The following CLUH variants were observed in gnomAD, a reference collection of about 807,000 sequenced individuals.
CLUH encodes clustered mitochondria protein homolog.
In CLUH, 77 loss-of-function variants were observed where a neutral mutation model predicts 139.3. That is an observed-to-expected ratio of 0.55 (90% CI 0.46 to 0.67). The LOEUF (loss-of-function observed/expected upper bound fraction) is 0.67, where lower values mean the gene tolerates loss of function less well. CLUH is among the 30% of genes least tolerant of loss of function. CLUH has a pLI of 0.00. For missense variants in CLUH, 1,876 were observed against 1,875.8 expected, an observed-to-expected ratio of 1.00 and a Z score of 0.00; for synonymous variants, 999 against 801.6, an observed-to-expected ratio of 1.25 and a Z score of -4.16.
At chr17:2,701,300 A>G in intron 6 of CLUH, 35 bp from the exon 7 acceptor site, 8 of 1,607,866 alleles carry the variant, frequency 5.0e-6, no homozygotes, top group Non-Finnish European at 5.9e-6. Context: ...GCGGGGGCCC[A>G]GGTGTCTGCC....
At chr17:2,699,990 A>G (rs977921818) in intron 9 of CLUH, among the ~76,000 whole-genome samples, 1 of 152,232 alleles carries the variant, frequency 6.6e-6, no homozygotes, top group African/African-American at 2.4e-5. Flanking sequence ...CCCAGCACTA[A>G]TAACTTTTAA....
At chr17:2,699,356 C>T (rs1306112485) in intron 9 of CLUH, among the ~76,000 whole-genome samples, 3 of 152,172 alleles carry the variant, frequency 2.0e-5, no homozygotes, top group Non-Finnish European at 4.4e-5. Flanking sequence ...CAGGGTATCA[C>T]GCTGTTGCCA....
chr17:2,698,008 C>G lies in CLUH; in HGVS notation c.1849G>C (p.Val617Leu). 6.2e-7 allele frequency: 1 copy of G among 1,600,974 alleles called. No homozygotes were observed. Among genetic ancestry groups the G allele is most frequent in the Non-Finnish European group, 8.5e-7 (1 of 1,177,778 alleles). The change falls in exon 10 of 26, where the codon GTG becomes CTG. Residue 617 changes from valine (V) to leucine (L), a missense_variant. Physicochemically the swap from Val to Leu is conservative, Grantham distance 32. Coordinates refer to ENST00000651024, the MANE Select transcript of CLUH (RefSeq NM_001366661.1). ...TFPPDLNFLP[V>L]PGEELPEECA... ...TCCTCAGGCAGCTCCTCGCCAGGCA[C>G]GGGCAGGAAGTTGAGGTCCGGGGGG...
chr17:2,697,435 G>C (rs377214918), intron 10 of CLUH, among the ~76,000 whole-genome samples: 123 of 151,780 alleles, frequency 8.1e-4, no homozygotes, highest in African/African-American at 2.8e-3. Flanking sequence ...CGTTCTGGAG[G>C]GTATGGGAAA....
At chr17:2,692,320 G>C in intron 22 of CLUH, 41 bp downstream of exon 22, 1 of 1,499,814 alleles carries the variant, frequency 6.7e-7, no homozygotes, top group Non-Finnish European at 8.9e-7. Context: ...CTGCCCCGCA[G>C]GCCTCCGCCG....
At chr17:2,693,014 G>T (rs2069773798) in intron 19 of CLUH, 154 bp from the exon 20 acceptor site, 2 of 597,452 alleles carry the variant, frequency 3.3e-6, no homozygotes, top group Non-Finnish European at 5.4e-6. Context: ...AGGGGGATCA[G>T]CAGCAGCTGC....
chr17:2,694,814 C>T, intron 16 of CLUH, 43 bp downstream of exon 16: 4 of 1,465,424 alleles, frequency 2.7e-6, no homozygotes, highest in Non-Finnish European at 3.6e-6. Context: ...GCCGCCTCAT[C>T]TGCCCAATCC....
In CLUH at chr17:2,698,099, C is replaced by T. The variant is rs751203241; in HGVS notation, c.1758G>A (p.Ser586=). Residue 586 remains serine (S), a synonymous_variant, in exon 10 of 26, where the codon TCG becomes TCA. Coordinates refer to ENST00000651024, the MANE Select transcript of CLUH (RefSeq NM_001366661.1). ...TGCCAATGATGCCCTTGCACTCGAC[C>T]GAGGAGCAGAGCTCCACCTCCTCGT... ...DRDEEVELCS[S]VECKGIIGND... is the part of the protein sequence containing the mutation. The T allele has an allele frequency of 5.1e-5, 82 of 1,603,016 alleles. No individual in the cohort carries two copies. Among genetic ancestry groups the T allele is most frequent in the Admixed American group, 6.8e-5 (4 of 58,886 alleles).
chr17:2,700,299 T>C, intron 9 of CLUH, 83 bp downstream of exon 9: 6 of 1,354,858 alleles, frequency 4.4e-6, no homozygotes, highest in Non-Finnish European at 6.1e-6. Flanking sequence ...CCTGCCTCCC[T>C]TGCTTTCCTC....
chr17:2,698,670 G>T, intron 9 of CLUH, 80 bp from the exon 10 acceptor site: 3 of 1,307,630 alleles, frequency 2.3e-6, no homozygotes, highest in Non-Finnish European at 3.1e-6. Context: ...CACGCACCTA[G>T]ACCGCGGAGG....
chr17:2,704,763 C>T lies in CLUH; in HGVS notation c.101-199G>A, dbSNP rs1388801400. ...AGCCGCCCCTCCCAGCCACTGTTCC[C>T]TGGCCCACTGTGGTATGGCTTGCAC... is the stretch of plus-strand genomic sequence containing the variant. On this transcript the variant is annotated intron_variant, in intron 1 of 25. Coordinates refer to ENST00000651024, the MANE Select transcript of CLUH (RefSeq NM_001366661.1). This position sits in a 1 kb window ranked among gnomAD's most constrained non-coding sequence, Gnocchi z 5.7. 6.6e-6 allele frequency among the ~76,000 whole-genome samples: 1 copy of T among 152,136 alleles called. No individual in the cohort carries two copies. Among genetic ancestry groups the T allele is most frequent in the South Asian group, 2.1e-4 (1 of 4,830 alleles).
Position 2,707,742 on chromosome 17 carries a change from A to T in CLUH, c.101-3178T>A. 1 of 985,418 alleles carries T rather than the reference A, an allele frequency of 1.0e-6. No individual in the cohort carries two copies. Among genetic ancestry groups the T allele is most frequent in the Non-Finnish European group, 1.2e-6 (1 of 829,900 alleles). The allele number at this position is 985,418 out of a possible 1,614,324, so 61.0% of individuals were successfully genotyped here. A position where few individuals can be genotyped will look rare whatever the true frequency, so the allele number is the denominator to read the frequency against. On this transcript the variant is annotated intron_variant, in intron 1 of 25. Coordinates refer to ENST00000651024, the MANE Select transcript of CLUH (RefSeq NM_001366661.1). This position sits in a 1 kb window ranked among gnomAD's most constrained non-coding sequence, Gnocchi z 7.4. Reference sequence around the variant, plus strand: ...GGCACAGACCCGGGTCCAGGCCATAAGGTGGCTGCCTCTGCCCACCAGTCC... The same window carrying T: ...GGCACAGACCCGGGTCCAGGCCATATGGTGGCTGCCTCTGCCCACCAGTCC...
At chr17:2,699,838 G>T (rs1455367947) in intron 9 of CLUH, among the ~76,000 whole-genome samples, 1 of 151,880 alleles carries the variant, frequency 6.6e-6, no homozygotes, top group African/African-American at 2.4e-5. Flanking sequence ...CCCCATATTG[G>T]CCAGGCTGGT....
intron 3 of CLUH, among the ~76,000 whole-genome samples, chr17:2,702,358 C>T (rs1221267285): frequency 1.3e-5 from 2 of 152,176 alleles, no homozygotes; most frequent in East Asian, 1.9e-4. Context: ...TGCTTTTGTG[C>T]GCCAGTGTGT....
At chr17:2,702,093 G>A in intron 3 of CLUH, 36 bp from the exon 4 acceptor site, 1 of 1,604,538 alleles carries the variant, frequency 6.2e-7, no homozygotes, top group Non-Finnish European at 8.5e-7. Flanking sequence ...GCGTTACCAG[G>A]GCCCTGCACC....
At chr17:2,695,619 T>C in intron 13 of CLUH, 93 bp from the exon 14 acceptor site, 1 of 1,424,404 alleles carries the variant, frequency 7.0e-7, no homozygotes, top group Non-Finnish European at 9.3e-7. Flanking sequence ...TGGGAGGCCC[T>C]GGAGAAGGAC....
intron 1 of CLUH, among the ~76,000 whole-genome samples, chr17:2,708,867 G>A (rs572428998): frequency 5.7e-5 from 5 of 87,028 alleles, no homozygotes; most frequent in South Asian, 5.1e-4. Context: ...ACTCGGGGGG[G>A]GGGGAGCAGA....
At position 2,692,380 on chromosome 17, in the gene CLUH, C is replaced by T; in HGVS notation, c.3541G>A (p.Ala1181Thr). 1 of 1,589,402 alleles carries T rather than the reference C, an allele frequency of 6.3e-7. No individual in the cohort carries two copies. Among genetic ancestry groups the T allele is most frequent in the Non-Finnish European group, 8.5e-7 (1 of 1,175,362 alleles). ...CCTCACCTGAGGGCCACCTTGAGGG[C>T]CTTGGGCCCGTGGTACTTGGTGCTG... The part of the protein sequence containing the change: ...AVSTKYHGPK[A>T]LKVALSHHLV... Residue 1181 changes from alanine to threonine, a missense_variant, in exon 22 of 26, where the codon GCC (alanine) becomes ACC (threonine). Transcript: ENST00000651024.
chr17:2,690,732 G>C lies in CLUH; in HGVS notation c.3909C>G (p.His1303Gln), dbSNP rs2069591576. 2 of 1,553,174 alleles carry C rather than the reference G, an allele frequency of 1.3e-6. No homozygotes were observed. The highest frequency in any genetic ancestry group is 1.8e-4 in the Middle Eastern group (1 of 5,676). The change falls in exon 26 of 26, where the codon CAC becomes CAG. Residue 1303 changes from histidine to glutamine, a missense_variant. Physicochemically the swap from His to Gln is conservative, Grantham distance 24. Around this residue, in one of 3 missense-constraint regions of CLUH, gnomAD observed 1,454 missense variants for 1,384.4 expected, o/e 1.05. Coordinates refer to ENST00000651024, the MANE Select transcript of CLUH (RefSeq NM_001366661.1). ...TGTTTCTGCTGGCCTCCTGGAGCTG[G>C]TGCCGCCGCGCCACCTCGGCTTTCA... Reference protein sequence around the residue: ...ENLKAEVARRHQLQEASRNRD... With the variant: ...ENLKAEVARRQQLQEASRNRD...
Sources: gnomAD v4.1 joint callset for allele counts (sites outside exome capture counted in the v4.1 genomes callset) on GRCh38, gnomAD v4.1.1 for gene constraint, gnomAD v4.1.1 regional missense constraint, Gnocchi (gnomAD v3.1) non-coding constraint, MANE v1.5 for transcripts, NCBI Gene and HGNC (gene_info 2026-07-23, HGNC 2026-07-21) for gene names.